MVB12B: variants seen among roughly 807,000 people sequenced by gnomAD.
MVB12B encodes multivesicular body subunit 12B, also known as ESCRT-I complex subunit MVB12B.
In MVB12B, 16 loss-of-function variants were observed where a neutral mutation model predicts 41.6. The observed-to-expected ratio is 0.38, with a 90% CI of 0.26 to 0.58. MVB12B has a LOEUF of 0.58. Ranked by LOEUF, MVB12B falls within the 20% of genes least tolerant of loss-of-function variation. MVB12B has a pLI of 0.62. For missense variants in MVB12B, 274 were observed against 380.2 expected (o/e 0.72, Z 2.32); for synonymous variants, 133 against 139.7 (o/e 0.95, Z 0.34).
At chr9:126,404,201 T>C (rs534266415) in intron 6 of MVB12B, among the ~76,000 whole-genome samples, 1 of 152,238 alleles carries the variant, frequency 6.6e-6, no homozygotes, top group East Asian at 1.9e-4. Flanking sequence ...GTGATCCGCC[T>C]GCCTCGACCT....
intron 7 of MVB12B, among the ~76,000 whole-genome samples, chr9:126,464,568 G>T (rs896877787): frequency 2.0e-5 from 3 of 152,220 alleles, no homozygotes; most frequent in Admixed American, 2.0e-4. Context: ...TGATATTGAC[G>T]TGGGAATATT....
At chr9:126,499,124 G>A (rs1255838688) in intron 9 of MVB12B, among the ~76,000 whole-genome samples, 1 of 152,172 alleles carries the variant, frequency 6.6e-6, no homozygotes, top group East Asian at 1.9e-4. Flanking sequence ...AGGTGCTGCT[G>A]GAAGCTGCAG....
Position 126,472,664 on chromosome 9 carries a change from T to C in MVB12B, c.758-8705T>C, listed in dbSNP as rs535687808. 1.8e-4 allele frequency among the ~76,000 whole-genome samples: 28 copies of C among 152,296 alleles called. No homozygotes were observed. In the South Asian group the frequency reaches 5.0e-3, roughly 27 times the overall value. ...ATTGTTTTCTGGTTTTTTTCTTTAA[T>C]GTATTTTACAAACACTCTGGTGACA... On this transcript the variant is annotated intron_variant, in intron 7 of 9. Coordinates refer to ENST00000361171, the MANE Select transcript of MVB12B (RefSeq NM_033446.3).
rs1172010232 is a variant in MVB12B, at chr9:126,340,893, C to G, written c.204+263C>G. Among the ~76,000 whole-genome samples the G allele has an allele frequency of 1.3e-5, 2 of 152,198 alleles. No homozygotes were observed. Among genetic ancestry groups the G allele is most frequent in the African/African-American group, 4.8e-5 (2 of 41,442 alleles). On this transcript the variant is annotated intron_variant, in intron 2 of 9. Coordinates refer to ENST00000361171, the MANE Select transcript of MVB12B (RefSeq NM_033446.3). The surrounding 1 kb of genome is among the most constrained non-coding windows in gnomAD (Gnocchi z 4.0). ...AGTTAGATTCATTGATTTTCAACTT[C>G]TGGTTGTGACATTTCGTGAAAAGGA...
rs764545084 is a variant in MVB12B, at chr9:126,381,055, C to T, written c.205-9C>T. ...ACCTGCAATCCTTTTCTCTGTCTCT[C>T]CGGTGTAGGTTGCACAGACAGCAGA... On this transcript the variant is annotated splice_polypyrimidine_tract_variant and intron_variant, in intron 2 of 9. Transcript: ENST00000361171. 6 of 1,611,762 alleles carry T rather than the reference C, an allele frequency of 3.7e-6. No homozygotes were observed. In the South Asian group the frequency reaches 5.5e-5, roughly 15 times the overall value.
Position 126,381,132 on chromosome 9 carries a change from C to A in MVB12B, c.273C>A (p.Thr91=). ...ACGGCTTATTTAAATCCAAGGTTACCAGATACCTGTGTTTCACAAGATCAT... is the reference window on the plus strand; with the variant it reads ...ACGGCTTATTTAAATCCAAGGTTACAAGATACCTGTGTTTCACAAGATCAT... ...WKDGLFKSKV[T]RYLCFTRSFS... is the part of the protein sequence containing the mutation. Residue 91 remains threonine, a synonymous_variant, in exon 3 of 10, where the codon ACC becomes ACA. Coordinates refer to ENST00000361171, the MANE Select transcript of MVB12B (RefSeq NM_033446.3). 1 of 1,614,116 alleles carries A rather than the reference C, an allele frequency of 6.2e-7. No homozygotes were observed. The highest frequency in any genetic ancestry group is 8.5e-7 in the Non-Finnish European group (1 of 1,179,986).
chr9:126,500,438 C>T (rs1454315875), intron 9 of MVB12B, among the ~76,000 whole-genome samples: 2 of 152,090 alleles, frequency 1.3e-5, no homozygotes, highest in African/African-American at 4.8e-5. Flanking sequence ...TGGTCTCTGG[C>T]CCTTCCCTCT....
At chr9:126,447,091 C>T (rs1386884313) in intron 7 of MVB12B, among the ~76,000 whole-genome samples, 2 of 151,122 alleles carry the variant, frequency 1.3e-5, no homozygotes, top group Non-Finnish European at 3.0e-5. Context: ...ACTACAGGTG[C>T]GCACCACTAT....
intron 9 of MVB12B, among the ~76,000 whole-genome samples, chr9:126,496,216 T>TCCAC (rs1320522605): frequency 5.4e-5 from 2 of 36,818 alleles, no homozygotes; most frequent in African/African-American, 9.8e-5. Context: ...CACCCGTCCA[T>TCCAC]CCACCCACCC....
chr9:126,495,924 A>G (rs1215614204), intron 9 of MVB12B, among the ~76,000 whole-genome samples: 1 of 152,106 alleles, frequency 6.6e-6, no homozygotes, highest in Non-Finnish European at 1.5e-5. Context: ...TTCATCATCC[A>G]CAGGTGTGAC....
chr9:126,342,360 G>A (rs1048193483), intron 2 of MVB12B, among the ~76,000 whole-genome samples: 19 of 152,158 alleles, frequency 1.2e-4, no homozygotes, highest in African/African-American at 4.6e-4. Context: ...GGGTCATCCT[G>A]CTTGCCTGGG....
In MVB12B at chr9:126,397,165, G is replaced by T. The variant is rs1182912121; in HGVS notation, c.662+1468G>T. The stretch of plus-strand genomic sequence containing the variant: ...CCCCCACAGGAGCAGTTGCCCTGAA[G>T]TTGTTACAGCTGCTCCCTGCTGACA... On this transcript the variant is annotated intron_variant, in intron 6 of 9. Transcript: ENST00000361171. 8.1e-6 allele frequency: 8 copies of T among 985,432 alleles called. No homozygotes were observed. The African/African-American group carries it at 1.4e-4, about 17-fold the overall frequency. 61.0% of individuals were successfully genotyped at this position (985,432 alleles called of 1,614,324 possible). A position where few individuals can be genotyped will look rare whatever the true frequency, so the allele number is the denominator to read the frequency against.
intron 7 of MVB12B, 59 bp from the exon 8 acceptor site, chr9:126,481,310 G>A: frequency 7.2e-7 from 1 of 1,398,262 alleles, no homozygotes; most frequent in Non-Finnish European, 1.0e-6. Flanking sequence ...TCAGTTGCTG[G>A]ACAACTAAAT....
intron 7 of MVB12B, among the ~76,000 whole-genome samples, chr9:126,440,220 C>T (rs531192458): frequency 3.3e-5 from 5 of 152,340 alleles, no homozygotes; most frequent in African/African-American, 1.2e-4. Context: ...ACCCATTCTT[C>T]GGCCAGCCTG....
intron 6 of MVB12B, chr9:126,397,384 G>A: frequency 2.0e-6 from 2 of 985,428 alleles, no homozygotes; most frequent in Non-Finnish European, 2.4e-6. Flanking sequence ...GCAGCCTGGT[G>A]GGTTTGGAGG....
At position 126,391,192 on chromosome 9, in the gene MVB12B, G is replaced by A. The variant is rs940473091; in HGVS notation, c.410-874G>A. 5.3e-5 allele frequency among the ~76,000 whole-genome samples: 8 copies of A among 152,142 alleles called. No individual in the cohort carries two copies. Among genetic ancestry groups the A allele is most frequent in the African/African-American group, 1.7e-4 (7 of 41,426 alleles). On this transcript the variant is annotated intron_variant, in intron 4 of 9. Coordinates refer to ENST00000361171, the MANE Select transcript of MVB12B (RefSeq NM_033446.3). This position sits in a 1 kb window ranked among gnomAD's most constrained non-coding sequence, Gnocchi z 4.4. ...GCCTAGACTTACGTGTACCCCGGAC[G>A]GCGTGCATGCCTAAAAAACCTAACC...
chr9:126,416,097 G>A (rs1281775553), intron 6 of MVB12B, among the ~76,000 whole-genome samples: 1 of 152,352 alleles, frequency 6.6e-6, no homozygotes, highest in Non-Finnish European at 1.5e-5. Context: ...GCCGTGGGCG[G>A]GTTTGGATTT....
chr9:126,448,695 G>C (rs1410584482), intron 7 of MVB12B, among the ~76,000 whole-genome samples: 1 of 152,068 alleles, frequency 6.6e-6, no homozygotes, highest in East Asian at 1.9e-4. Context: ...AAAGAGAAGG[G>C]GGAGGTCCCA....
intron 3 of MVB12B, among the ~76,000 whole-genome samples, chr9:126,385,628 C>G (rs7021581): frequency 0.3 from 45,375 of 152,108 alleles, 6,988 homozygotes; most frequent in African/African-American, 0.39. Flanking sequence ...GGATGAGGCA[C>G]TTCTGCAAAA....
Sources: gnomAD v4.1 joint callset for allele counts (sites outside exome capture counted in the v4.1 genomes callset) on GRCh38, gnomAD v4.1.1 for gene constraint, Gnocchi (gnomAD v3.1) non-coding constraint, MANE v1.5 for transcripts, NCBI Gene and HGNC (gene_info 2026-07-23, HGNC 2026-07-21) for gene names.